The following KCNC2 variants were observed in gnomAD, a reference collection of about 807,000 sequenced individuals.
KCNC2 encodes the protein potassium voltage-gated channel subfamily C member 2.
A neutral mutation model predicts 44.5 loss-of-function variants in KCNC2; 21 were observed. The ratio of observed to expected loss-of-function variants is 0.47; its 90% CI spans 0.33 to 0.68. KCNC2 has a LOEUF of 0.68. KCNC2 is among the 30% of genes least tolerant of loss of function. The probability of loss-of-function intolerance (pLI) is 0.01; values close to 1 mark genes in which losing one functional copy is unlikely to be tolerated. For synonymous variants in KCNC2, 391 were observed against 339.1 expected (o/e 1.15, Z -1.68); for missense variants, 589 against 826.2 (o/e 0.71, Z 3.52).
rs781227311 is a variant in KCNC2 at position 75,051,068 on chromosome 12, T to C, written c.937A>G (p.Asn313Asp). ...FSPNKLEFIK[N>D]LLNIIDFVAI... is the part of the protein sequence containing the mutation. Reference sequence around the variant, plus strand: ...ACAAAGTCAATGATATTCAAGAGATTTTTGATGAATTCAAGTTTATTGGGT... The same window carrying C: ...ACAAAGTCAATGATATTCAAGAGATCTTTGATGAATTCAAGTTTATTGGGT... The change falls in exon 3 of 5, where the codon AAT (asparagine) becomes GAT (aspartate). Residue 313 changes from asparagine to aspartate, a missense_variant. By Grantham distance (23) the Asn-to-Asp change is conservative. Transcript: ENST00000549446. 1.9e-6 allele frequency: 3 copies of C among 1,613,806 alleles called. No individual in the cohort carries two copies. In the Admixed American group the frequency reaches 5.0e-5, roughly 27 times the overall value.
intron 2 of KCNC2, among the ~76,000 whole-genome samples, chr12:75,154,109 A>T (rs534734789): frequency 6.6e-6 from 1 of 152,138 alleles, no homozygotes; most frequent in East Asian, 1.9e-4. Context: ...TACTATCAGG[A>T]CTCTAAAAAA....
chr12:75,108,755 G>T (rs147510720), intron 2 of KCNC2, among the ~76,000 whole-genome samples: 2 of 152,290 alleles, frequency 1.3e-5, no homozygotes, highest in South Asian at 4.1e-4. Context: ...CCGTGTGGTA[G>T]TTTCAAGGCT....
At chr12:75,054,926 G>A (rs1286002469) in intron 2 of KCNC2, among the ~76,000 whole-genome samples, 3 of 152,144 alleles carry the variant, frequency 2.0e-5, no homozygotes, top group Non-Finnish European at 4.4e-5. Flanking sequence ...CGCTTTATCT[G>A]AACTTAATTC....
chr12:75,061,324 A>G (rs770232330), intron 2 of KCNC2, among the ~76,000 whole-genome samples: 1 of 152,122 alleles, frequency 6.6e-6, no homozygotes, highest in Admixed American at 6.6e-5. Context: ...ATTAGAAAAT[A>G]GATTGTCATC....
intron 2 of KCNC2, among the ~76,000 whole-genome samples, chr12:75,201,057 T>G (rs1009520891): frequency 6.6e-6 from 1 of 151,354 alleles, no homozygotes; most frequent in African/African-American, 2.4e-5. Context: ...ATCTTAGACC[T>G]AAGAAATGAC....
At chr12:75,107,064 G>A (rs1037774526) in intron 2 of KCNC2, among the ~76,000 whole-genome samples, 5 of 152,084 alleles carry the variant, frequency 3.3e-5, no homozygotes, top group Admixed American at 6.6e-5. Context: ...CAGCACTTTG[G>A]GGGGCTGAGG....
chr12:75,102,898 G>T (rs1886488913), intron 2 of KCNC2, among the ~76,000 whole-genome samples: 2 of 151,928 alleles, frequency 1.3e-5, no homozygotes, highest in Admixed American at 6.6e-5. Flanking sequence ...GTTTTATATA[G>T]CATTGCATGG....
intron 2 of KCNC2, among the ~76,000 whole-genome samples, chr12:75,086,671 A>ATATATATATAT (rs1169816045): frequency 7.8e-5 from 7 of 89,392 alleles, no homozygotes; most frequent in African/African-American, 3.5e-4. Context: ...AAAAAAAAAA[A>ATATATATATAT]AAAAAAAAAA....
intron 2 of KCNC2, among the ~76,000 whole-genome samples, chr12:75,096,245 A>C (rs984122023): frequency 6.6e-6 from 1 of 152,036 alleles, no homozygotes; most frequent in African/African-American, 2.4e-5. Flanking sequence ...CAGGAGATTC[A>C]ATTTTCACAT....
At chr12:75,177,583 T>C (rs140518221) in intron 2 of KCNC2, among the ~76,000 whole-genome samples, 37 of 152,152 alleles carry the variant, frequency 2.4e-4, no homozygotes, top group African/African-American at 8.7e-4. Context: ...GTTCATTCAA[T>C]TGTTCTTCTC....
chr12:75,066,069 T>C (rs1399394086), intron 2 of KCNC2, among the ~76,000 whole-genome samples: 1 of 152,138 alleles, frequency 6.6e-6, no homozygotes, highest in Non-Finnish European at 1.5e-5. Context: ...TCTTCTTTTA[T>C]AGAAGTAGAA....
chr12:75,168,516 A>G (rs1891604605), intron 2 of KCNC2, among the ~76,000 whole-genome samples: 1 of 151,504 alleles, frequency 6.6e-6, no homozygotes, highest in African/African-American at 2.4e-5. Flanking sequence ...TAGTTTCTAT[A>G]TGCCAATAAA....
chr12:75,106,908 G>GAT (rs910941886), intron 2 of KCNC2, among the ~76,000 whole-genome samples: 2 of 152,144 alleles, frequency 1.3e-5, no homozygotes, highest in African/African-American at 4.8e-5. Flanking sequence ...GTCAAGCATT[G>GAT]ATATATACTA....
intron 2 of KCNC2, among the ~76,000 whole-genome samples, chr12:75,123,612 C>CT (rs1888194645): frequency 6.6e-6 from 1 of 152,178 alleles, no homozygotes; most frequent in Non-Finnish European, 1.5e-5. Flanking sequence ...TGAGGACAAA[C>CT]TTTATCGTCC....
intron 2 of KCNC2, among the ~76,000 whole-genome samples, chr12:75,128,530 A>G (rs1049978619): frequency 6.6e-6 from 1 of 152,204 alleles, no homozygotes. Context: ...TCCCAAAGAC[A>G]GCAGAGCATA....
At chr12:75,135,161 T>C (rs1360926191) in intron 2 of KCNC2, among the ~76,000 whole-genome samples, 1 of 151,728 alleles carries the variant, frequency 6.6e-6, no homozygotes, top group Non-Finnish European at 1.5e-5. Context: ...CACAGTTACA[T>C]AGCAAATGTG....
At chr12:75,053,248 A>G (rs1417667877) in intron 2 of KCNC2, among the ~76,000 whole-genome samples, 2 of 100,944 alleles carry the variant, frequency 2.0e-5, no homozygotes, top group Admixed American at 1.2e-4. Context: ...AGTCCTGCCA[A>G]TATGTACCTA....
rs1275205388 is a variant in KCNC2 at position 75,051,326 on chromosome 12, G to GA, written c.688-10dup. On this transcript the variant is annotated splice_polypyrimidine_tract_variant and intron_variant, in intron 2 of 4. Coordinates refer to ENST00000549446, the MANE Select transcript of KCNC2 (RefSeq NM_139137.4). Reference sequence around the variant, plus strand: ...GAAGCAAAAGCAATAAACTGTAGAGGAAAAAGAAATAAAAAAACCCATAGT... The same window carrying GA: ...GAAGCAAAAGCAATAAACTGTAGAGGAAAAAAGAAATAAAAAAACCCATAGT... 1 of 1,493,248 alleles carries GA rather than the reference G, an allele frequency of 6.7e-7. No homozygotes were observed. The highest frequency in any genetic ancestry group is 9.1e-7 in the Non-Finnish European group (1 of 1,101,258). The allele number at this position is 1,493,248 out of a possible 1,614,324, so 92.5% of individuals were successfully genotyped here.
At chr12:75,087,306 C>A (rs1592842371) in intron 2 of KCNC2, among the ~76,000 whole-genome samples, 2 of 152,068 alleles carry the variant, frequency 1.3e-5, no homozygotes, top group South Asian at 4.1e-4. Flanking sequence ...TATCTCTAAT[C>A]ACTCACCTTA....
Sources: allele counts gnomAD v4.1 joint callset (sites outside exome capture counted in the v4.1 genomes callset), GRCh38; gene constraint gnomAD v4.1.1; transcripts MANE v1.5; gene names NCBI Gene and HGNC (gene_info 2026-07-23, HGNC 2026-07-21).